Variants in TENM3 observed in about 807,000 individuals in gnomAD.
TENM3 encodes teneurin transmembrane protein 3.
A neutral mutation model predicts 255.1 loss-of-function variants in TENM3; 63 were observed. That is an observed-to-expected ratio of 0.25 (90% CI 0.20 to 0.30). TENM3 has a LOEUF of 0.30. Among genes scored for constraint, TENM3 ranks in the 10% least tolerant of loss-of-function variants. TENM3 has a pLI of 1.00. For synonymous variants in TENM3, 1,306 were observed against 1,322.3 expected, an observed-to-expected ratio of 0.99 and a Z score of 0.27; for missense variants, 2,929 against 3,461.1, an observed-to-expected ratio of 0.85 and a Z score of 3.86.
the TENM3 span, among the ~76,000 whole-genome samples, chr4:182,003,180 C>T: frequency 1.3e-5 from 2 of 152,108 alleles, no homozygotes; most frequent in African/African-American, 4.8e-5. Flanking sequence ...CCCACATTTA[C>T]TTTCTTGTAG....
At chr4:181,892,324 G>A in the TENM3 span, among the ~76,000 whole-genome samples, 42 of 152,126 alleles carry the variant, frequency 2.8e-4, no homozygotes, top group East Asian at 7.5e-3. Context: ...TCCTTCCCGT[G>A]TCATACTATG....
intron 16 of TENM3, among the ~76,000 whole-genome samples, chr4:182,731,967 GA>G (rs1213518448): frequency 6.6e-6 from 1 of 151,648 alleles, no homozygotes; most frequent in East Asian, 1.9e-4. Flanking sequence ...ATTTTTAGTA[GA>G]GGCAGGGTTT....
intron 1 of TENM3, among the ~76,000 whole-genome samples, chr4:182,193,503 A>C (rs1753653484): frequency 6.6e-6 from 1 of 152,200 alleles, no homozygotes; most frequent in Non-Finnish European, 1.5e-5. Flanking sequence ...GCACTGGTTA[A>C]AAGTGTGAAG....
rs192496436 is a variant in TENM3 at position 182,248,577 on chromosome 4, T to C, written c.-76+5101T>C. On this transcript the variant is annotated intron_variant, in intron 1 of 27. Transcript: ENST00000511685. ...GGTTAAATATACTCAGTACCTGAAA[T>C]AAGCTTGCGTATATGAAGCTTTGAT... Among the ~76,000 whole-genome samples the C allele has an allele frequency of 1.8e-3, 280 of 152,348 alleles. 1 individual carries two copies. Among genetic ancestry groups the C allele is most frequent in the African/African-American group, 6.1e-3 (253 of 41,578 alleles).
intron 1 of TENM3, among the ~76,000 whole-genome samples, chr4:182,285,126 T>C (rs1291314425): frequency 2.0e-5 from 3 of 152,192 alleles, no homozygotes; most frequent in African/African-American, 7.2e-5. Context: ...CTTGGGTTTC[T>C]ACTTTCCAAC....
At chr4:182,748,429 C>G (rs1376790521) in intron 19 of TENM3, among the ~76,000 whole-genome samples, 1 of 152,114 alleles carries the variant, frequency 6.6e-6, no homozygotes, top group Non-Finnish European at 1.5e-5. Flanking sequence ...AGATTACTGA[C>G]CTAAAAATTC....
chr4:182,485,833 G>A (rs1478270053), intron 3 of TENM3, among the ~76,000 whole-genome samples: 1 of 152,190 alleles, frequency 6.6e-6, no homozygotes, highest in Non-Finnish European at 1.5e-5. Context: ...CAGAAATGCA[G>A]TCAAGGAAAC....
chr4:182,408,755 TC>T lies in TENM3; in HGVS notation c.511+61828del, dbSNP rs576332160. Among the ~76,000 whole-genome samples the T allele has an allele frequency of 2.1e-3, 319 of 152,272 alleles. 1 individual carries two copies. The highest frequency in any genetic ancestry group is 7.6e-3 in the African/African-American group (314 of 41,562). On this transcript the variant is annotated intron_variant, in intron 3 of 27. Coordinates refer to ENST00000511685, the MANE Select transcript of TENM3 (RefSeq NM_001080477.4). ...TTCCGTGTAGATGAAATAGTATTCA[TC>T]CATTCGTTCAAGAAGCATTCTTCCT... is the stretch of plus-strand genomic sequence containing the variant.
the TENM3 span, among the ~76,000 whole-genome samples, chr4:181,910,808 A>G: frequency 6.6e-6 from 1 of 151,946 alleles, no homozygotes; most frequent in Non-Finnish European, 1.5e-5. Context: ...ACTCCTTAGA[A>G]ACATTTCCTT....
At chr4:182,005,578 TA>T in the TENM3 span, among the ~76,000 whole-genome samples, 4 of 152,210 alleles carry the variant, frequency 2.6e-5, no homozygotes, top group South Asian at 6.2e-4. Flanking sequence ...ATATGAAATT[TA>T]AAATAGTTTT....
At chr4:181,994,342 T>TA in the TENM3 span, among the ~76,000 whole-genome samples, 1 of 152,134 alleles carries the variant, frequency 6.6e-6, no homozygotes, top group African/African-American at 2.4e-5. Flanking sequence ...AGGATGGAGA[T>TA]ACAATAAGGA....
the TENM3 span, among the ~76,000 whole-genome samples, chr4:181,766,842 C>T: frequency 1.3e-5 from 2 of 151,838 alleles, no homozygotes; most frequent in East Asian, 1.9e-4. Flanking sequence ...TCAAAATTCT[C>T]TCCAAAACAC....
At chr4:182,693,983 G>A (rs1298904269) in intron 12 of TENM3, among the ~76,000 whole-genome samples, 1 of 152,166 alleles carries the variant, frequency 6.6e-6, no homozygotes, top group Non-Finnish European at 1.5e-5. Flanking sequence ...TTACTTTAAA[G>A]AGTTAATGAC....
chr4:181,784,798 C>T, the TENM3 span, among the ~76,000 whole-genome samples: 1 of 152,030 alleles, frequency 6.6e-6, no homozygotes, highest in African/African-American at 2.4e-5. Context: ...ACCCTATTGC[C>T]CCCTCACCAT....
chr4:182,161,782 C>T lies in TENM3; in HGVS notation c.-76+17028C>T, dbSNP rs797004162. Among the ~76,000 whole-genome samples, 122 of 21,218 alleles carry T rather than the reference C, an allele frequency of 5.7e-3. 20 individuals are homozygous for T. Among genetic ancestry groups the T allele is most frequent in the Non-Finnish European group, 7.2e-3 (100 of 13,796 alleles). The allele number at this position is 21,218 out of a possible 152,430, so 13.9% of individuals were successfully genotyped here. A position where few individuals can be genotyped will look rare whatever the true frequency, so the allele number is the denominator to read the frequency against. ...ACATATATATGTGTATATATATATA[C>T]ACAAATATATGTATATATATACACA... On this transcript the variant is annotated intron_variant, in intron 1 of 2. Transcript: ENST00000512480.
chr4:182,565,677 T>C (rs764686605), intron 3 of TENM3, among the ~76,000 whole-genome samples: 1 of 152,210 alleles, frequency 6.6e-6, no homozygotes, highest in Non-Finnish European at 1.5e-5. Flanking sequence ...GATTTCTCTT[T>C]ATTAAGTGAA....
At chr4:182,766,610 TGAA>T (rs1328198672) in intron 22 of TENM3, among the ~76,000 whole-genome samples, 1 of 152,190 alleles carries the variant, frequency 6.6e-6, no homozygotes, top group African/African-American at 2.4e-5. Context: ...ATTTGATTCT[TGAA>T]GAAAATGTCA....
At chr4:181,933,949 T>C in the TENM3 span, among the ~76,000 whole-genome samples, 1 of 152,204 alleles carries the variant, frequency 6.6e-6, no homozygotes. Context: ...GCTATCTTTA[T>C]TTAATATGCT....
At chr4:181,826,100 G>T in the TENM3 span, among the ~76,000 whole-genome samples, 1 of 152,078 alleles carries the variant, frequency 6.6e-6, no homozygotes, top group Non-Finnish European at 1.5e-5. Flanking sequence ...TTAGTAGTGG[G>T]TTTATTTTGT....
Sources: gnomAD v4.1 joint callset for allele counts (sites outside exome capture counted in the v4.1 genomes callset) on GRCh38, gnomAD v4.1.1 for gene constraint, MANE v1.5 for transcripts, NCBI Gene and HGNC (gene_info 2026-07-23, HGNC 2026-07-21) for gene names.